Variants in GRID1 observed in about 807,000 individuals in gnomAD.
GRID1 encodes glutamate ionotropic receptor delta type subunit 1.
In GRID1, 28 loss-of-function variants were observed where a neutral mutation model predicts 98.0. The observed-to-expected ratio is 0.29, with a 90% CI of 0.21 to 0.39. GRID1 has a LOEUF of 0.39. Ranked by LOEUF, GRID1 falls within the 10% of genes least tolerant of loss-of-function variation. The pLI is 1.00. For synonymous variants in GRID1, 553 were observed against 538.5 expected, an observed-to-expected ratio of 1.03 and a Z score of -0.37; for missense variants, 1,111 against 1,340.5, an observed-to-expected ratio of 0.83 and a Z score of 2.67.
At chr10:85,824,256 G>A (rs1176384528) in intron 8 of GRID1, among the ~76,000 whole-genome samples, 1 of 152,198 alleles carries the variant, frequency 6.6e-6, no homozygotes, top group Non-Finnish European at 1.5e-5. Flanking sequence ...TCCGGCGAGA[G>A]ACTGGAGTGC....
chr10:86,193,077 G>C (rs757181692), intron 3 of GRID1, among the ~76,000 whole-genome samples: 1 of 152,006 alleles, frequency 6.6e-6, no homozygotes, highest in African/African-American at 2.4e-5. Context: ...CTCCTAACTT[G>C]GGGCCTCAGG....
At position 85,854,619 on chromosome 10, in the gene GRID1, C is replaced by A. The variant is rs144486521; in HGVS notation, c.1114-4G>T. On this transcript the variant is annotated splice_polypyrimidine_tract_variant and splice_region_variant and intron_variant, in intron 7 of 15. Coordinates refer to ENST00000327946, the MANE Select transcript of GRID1 (RefSeq NM_017551.3). ...CAGTGAGGCCAGTGATGTGGCCCTG[C>A]AGAAGAGGAGAAAAACCCATTGGAA... is the stretch of plus-strand genomic sequence containing the variant. The A allele has an allele frequency of 4.6e-3, 7,425 of 1,613,878 alleles. 36 individuals are homozygous for A. Among genetic ancestry groups the A allele is most frequent in the Non-Finnish European group, 5.3e-3 (6,206 of 1,179,846 alleles).
chr10:85,774,537 C>A (rs1212108179), intron 8 of GRID1, among the ~76,000 whole-genome samples: 4 of 151,170 alleles, frequency 2.6e-5, no homozygotes, highest in Admixed American at 2.0e-4. Context: ...AGTGAACAGG[C>A]AACCTACAAC....
chr10:86,148,398 A>G (rs757037752), intron 3 of GRID1, among the ~76,000 whole-genome samples: 31 of 152,208 alleles, frequency 2.0e-4, no homozygotes, highest in Non-Finnish European at 4.0e-4. Flanking sequence ...GATCTCACTT[A>G]TAAGTGGAAT....
chr10:86,176,726 G>A (rs535102585), intron 3 of GRID1, among the ~76,000 whole-genome samples: 29 of 152,332 alleles, frequency 1.9e-4, no homozygotes, highest in Admixed American at 1.7e-3. Flanking sequence ...GACCAATGGG[G>A]TGAATTAGAG....
Position 85,896,277 on chromosome 10 carries a change from T to G in GRID1, c.780+19909A>C, listed in dbSNP as rs185128018. 2.6e-5 allele frequency among the ~76,000 whole-genome samples: 4 copies of G among 152,282 alleles called. No individual in the cohort carries two copies. The East Asian group carries it at 7.7e-4, about 29-fold the overall frequency. On this transcript the variant is annotated intron_variant, in intron 5 of 15. Transcript: ENST00000327946. The stretch of plus-strand genomic sequence containing the variant: ...TAAAATGATCTACCCAATATAATAA[T>G]CAGAACTTTTACTTGGCTTGATGCG...
At chr10:85,702,900 C>T (rs375680663) in intron 12 of GRID1, among the ~76,000 whole-genome samples, 54 of 145,032 alleles carry the variant, frequency 3.7e-4, no homozygotes, top group African/African-American at 7.7e-4. Context: ...AGGAGGAAGA[C>T]GGTGAAAAGG....
rs568611629 is a variant in GRID1 at position 85,713,902 on chromosome 10, A to T, written c.1997+9101T>A. On this transcript the variant is annotated intron_variant, in intron 12 of 15. Coordinates refer to ENST00000327946, the MANE Select transcript of GRID1 (RefSeq NM_017551.3). ...GCCTATGGCTAACATCATACTCAGC[A>T]GTAAAAAGCTAAAAGCATTTCCTGC... Among the ~76,000 whole-genome samples, 7 of 152,136 alleles carry T rather than the reference A, an allele frequency of 4.6e-5. No individual in the cohort carries two copies. In the South Asian group the frequency reaches 1.4e-3, roughly 31 times the overall value.
intron 5 of GRID1, among the ~76,000 whole-genome samples, chr10:85,895,299 C>A (rs779003449): frequency 3.0e-4 from 46 of 152,000 alleles, no homozygotes; most frequent in Non-Finnish European, 5.7e-4. Context: ...TACCCCTTCT[C>A]ATCCCAACCC....
At chr10:86,010,357 T>C (rs1186517932) in intron 4 of GRID1, among the ~76,000 whole-genome samples, 1 of 152,092 alleles carries the variant, frequency 6.6e-6, no homozygotes, top group Non-Finnish European at 1.5e-5. Flanking sequence ...GCCTACTTCA[T>C]AGGAAGGGAA....
intron 2 of GRID1, among the ~76,000 whole-genome samples, chr10:86,297,806 C>T (rs1847616919): frequency 6.6e-6 from 1 of 152,192 alleles, no homozygotes; most frequent in Admixed American, 6.5e-5. Context: ...AAAGTCCACC[C>T]ATGGGAAGGT....
At chr10:85,922,679 C>A (rs186420007) in intron 4 of GRID1, among the ~76,000 whole-genome samples, 100 of 152,314 alleles carry the variant, frequency 6.6e-4, no homozygotes, top group Non-Finnish European at 7.9e-4. Flanking sequence ...AATGTCACCC[C>A]TCCAAAGCAT....
At chr10:85,867,383 G>A (rs1843231629) in intron 6 of GRID1, among the ~76,000 whole-genome samples, 1 of 152,208 alleles carries the variant, frequency 6.6e-6, no homozygotes, top group East Asian at 1.9e-4. Flanking sequence ...CTTCAAAGGA[G>A]AGAGAAGCTA....
intron 4 of GRID1, among the ~76,000 whole-genome samples, chr10:86,002,125 C>T (rs1842809314): frequency 6.6e-6 from 1 of 152,176 alleles, no homozygotes; most frequent in African/African-American, 2.4e-5. Flanking sequence ...CTCATTTTAA[C>T]CTCACAGCAT....
chr10:85,969,057 CAAAATAGACT>C (rs2131853789), intron 4 of GRID1, among the ~76,000 whole-genome samples: 1 of 152,182 alleles, frequency 6.6e-6, no homozygotes, highest in South Asian at 2.1e-4. Flanking sequence ...TAATAGCAGA[CAAAATAGACT>C]TTAAGACAAA....
chr10:85,835,604 T>C (rs999791690), intron 8 of GRID1, among the ~76,000 whole-genome samples: 2 of 152,224 alleles, frequency 1.3e-5, no homozygotes, highest in Non-Finnish European at 2.9e-5. Context: ...ATTAAACCTC[T>C]TTCCTTTAAA....
At chr10:85,861,533 G>A (rs1843164032) in intron 6 of GRID1, among the ~76,000 whole-genome samples, 1 of 152,210 alleles carries the variant, frequency 6.6e-6, no homozygotes, top group Non-Finnish European at 1.5e-5. Flanking sequence ...AGTGTGTGTT[G>A]TGTGGTGGAG....
intron 8 of GRID1, among the ~76,000 whole-genome samples, chr10:85,752,551 T>C (rs776032631): frequency 4.6e-5 from 7 of 152,236 alleles, no homozygotes; most frequent in Non-Finnish European, 7.3e-5. Context: ...GATCATATTG[T>C]AATTAATGAA....
chr10:85,995,574 T>C (rs1281696389), intron 4 of GRID1, among the ~76,000 whole-genome samples: 2 of 152,212 alleles, frequency 1.3e-5, no homozygotes, highest in Non-Finnish European at 2.9e-5. Context: ...CTGGACAGAA[T>C]GCATGTGGCA....
Sources: gnomAD v4.1 joint callset for allele counts (sites outside exome capture counted in the v4.1 genomes callset) on GRCh38, gnomAD v4.1.1 for gene constraint, MANE v1.5 for transcripts, NCBI Gene and HGNC (gene_info 2026-07-23, HGNC 2026-07-21) for gene names.